The following LRRTM4 variants were observed in gnomAD, a reference collection of about 807,000 sequenced individuals.
LRRTM4 encodes the protein leucine rich repeat transmembrane neuronal 4.
In LRRTM4, 25 loss-of-function variants were observed where a neutral mutation model predicts 47.6. That is an observed-to-expected ratio of 0.53 (90% confidence interval 0.38 to 0.73). The LOEUF (loss-of-function observed/expected upper bound fraction) is 0.73, where lower values mean the gene tolerates loss of function less well. Ranked by LOEUF, LRRTM4 falls within the 30% of genes least tolerant of loss-of-function variation. The pLI is 0.00. For synonymous variants in LRRTM4, 311 were observed against 269.5 expected, an observed-to-expected ratio of 1.15 and a Z score of -1.51; for missense variants, 638 against 713.4, an observed-to-expected ratio of 0.89 and a Z score of 1.20.
chr2:77,521,685 A>G lies in LRRTM4; in HGVS notation c.-14T>C. 1 of 1,612,164 alleles carries G rather than the reference A, an allele frequency of 6.2e-7. No individual in the cohort carries two copies. Among genetic ancestry groups the G allele is most frequent in the South Asian group, 1.1e-5 (1 of 91,006 alleles). ...TCACTTACCCATCCTTTGTCATCCAAAAACGTTTCCCCCCTCTCTCAGCTT... is the reference window on the plus strand; with the variant it reads ...TCACTTACCCATCCTTTGTCATCCAGAAACGTTTCCCCCCTCTCTCAGCTT... On this transcript the variant is annotated 5_prime_UTR_variant, in exon 2 of 4. Transcript: ENST00000409884.
At chr2:76,835,312 C>T (rs1351561068) in intron 3 of LRRTM4, among the ~76,000 whole-genome samples, 2 of 151,848 alleles carry the variant, frequency 1.3e-5, no homozygotes, top group Admixed American at 1.3e-4. Flanking sequence ...GAGTGTCTGG[C>T]TCCTAACATA....
chr2:77,484,403 A>C (rs2104026400), intron 3 of LRRTM4, among the ~76,000 whole-genome samples: 1 of 152,280 alleles, frequency 6.6e-6, no homozygotes, highest in Non-Finnish European at 1.5e-5. Flanking sequence ...TTACTCACAT[A>C]TTTTTGCAAG....
intron 3 of LRRTM4, among the ~76,000 whole-genome samples, chr2:77,108,670 G>A (rs1304242192): frequency 2.7e-5 from 4 of 148,304 alleles, no homozygotes; most frequent in South Asian, 2.1e-4. Flanking sequence ...TGCAAGCTCC[G>A]CCTCCCGGGT....
intron 3 of LRRTM4, among the ~76,000 whole-genome samples, chr2:77,431,900 C>T (rs548919751): frequency 3.3e-5 from 5 of 150,980 alleles, no homozygotes; most frequent in African/African-American, 4.9e-5. Flanking sequence ...ATGGGGAAAC[C>T]CTGTCTCTAC....
At chr2:76,789,431 C>G (rs941846811) in intron 3 of LRRTM4, among the ~76,000 whole-genome samples, 2 of 152,164 alleles carry the variant, frequency 1.3e-5, no homozygotes, top group African/African-American at 4.8e-5. Flanking sequence ...CAAAGAGTAA[C>G]TCGAACACCA....
At chr2:77,008,268 T>C (rs1299403846) in intron 3 of LRRTM4, among the ~76,000 whole-genome samples, 1 of 152,168 alleles carries the variant, frequency 6.6e-6, no homozygotes, top group African/African-American at 2.4e-5. Context: ...CACATTTAGG[T>C]TTACATCTTA....
intron 3 of LRRTM4, among the ~76,000 whole-genome samples, chr2:77,079,013 T>C (rs919193457): frequency 6.6e-6 from 1 of 152,096 alleles, no homozygotes; most frequent in Non-Finnish European, 1.5e-5. Context: ...AATGCATTCA[T>C]ATAAGGACTA....
At chr2:77,149,821 C>G (rs538546240) in intron 3 of LRRTM4, among the ~76,000 whole-genome samples, 65 of 152,228 alleles carry the variant, frequency 4.3e-4, no homozygotes, top group African/African-American at 1.5e-3. Context: ...ACTCAGACTC[C>G]CAGGTGGCCA....
chr2:77,489,885 T>C (rs1212975195), intron 3 of LRRTM4, among the ~76,000 whole-genome samples: 1 of 152,168 alleles, frequency 6.6e-6, no homozygotes, highest in East Asian at 1.9e-4. Context: ...AACTTATGAG[T>C]GTGAACAGTG....
At chr2:76,964,805 T>A (rs942903791) in intron 3 of LRRTM4, among the ~76,000 whole-genome samples, 1 of 149,972 alleles carries the variant, frequency 6.7e-6, no homozygotes, top group Non-Finnish European at 1.5e-5. Flanking sequence ...AAACAATTAA[T>A]AAAGAGAGAG....
intron 3 of LRRTM4, among the ~76,000 whole-genome samples, chr2:77,079,360 C>T (rs969839971): frequency 1.3e-5 from 2 of 152,170 alleles, no homozygotes; most frequent in African/African-American, 4.8e-5. Flanking sequence ...TTTATTGAAA[C>T]ACATCTGTGC....
chr2:77,183,282 A>C (rs1451720527), intron 3 of LRRTM4, among the ~76,000 whole-genome samples: 1 of 152,204 alleles, frequency 6.6e-6, no homozygotes, highest in East Asian at 1.9e-4. Context: ...ATATGAACAG[A>C]CACTTCACAA....
intron 3 of LRRTM4, among the ~76,000 whole-genome samples, chr2:77,033,910 G>C (rs748750274): frequency 6.6e-6 from 1 of 151,880 alleles, no homozygotes; most frequent in African/African-American, 2.4e-5. Context: ...AGTTTTATAT[G>C]TTCCTTACTT....
chr2:76,753,950 C>A (rs538466724), intron 3 of LRRTM4, among the ~76,000 whole-genome samples: 3 of 152,092 alleles, frequency 2.0e-5, no homozygotes, highest in Non-Finnish European at 4.4e-5. Flanking sequence ...TTACCATGGA[C>A]TATCATTGGT....
chr2:76,925,653 T>A (rs1674566603), intron 3 of LRRTM4, among the ~76,000 whole-genome samples: 1 of 152,250 alleles, frequency 6.6e-6, no homozygotes, highest in Middle Eastern at 3.4e-3. Context: ...TCACTCTGTG[T>A]AAAAGTGTGC....
chr2:76,772,031 T>C (rs1673733885), intron 3 of LRRTM4, among the ~76,000 whole-genome samples: 1 of 152,226 alleles, frequency 6.6e-6, no homozygotes, highest in Non-Finnish European at 1.5e-5. Flanking sequence ...AATGGTGTTA[T>C]GGACCGAATG....
intron 3 of LRRTM4, among the ~76,000 whole-genome samples, chr2:76,898,280 G>A (rs1673492275): frequency 6.6e-6 from 1 of 151,942 alleles, no homozygotes; most frequent in South Asian, 2.1e-4. Flanking sequence ...ATTTTAAATG[G>A]AATTTTGCTA....
At chr2:77,201,905 G>A (rs1673987044) in intron 3 of LRRTM4, among the ~76,000 whole-genome samples, 2 of 152,072 alleles carry the variant, frequency 1.3e-5, no homozygotes, top group African/African-American at 2.4e-5. Flanking sequence ...TGTCATCGAT[G>A]CTATTTCAGA....
intron 3 of LRRTM4, among the ~76,000 whole-genome samples, chr2:77,326,207 A>G (rs567138973): frequency 6.6e-6 from 1 of 152,334 alleles, no homozygotes; most frequent in East Asian, 1.9e-4. Flanking sequence ...TAAGCATAAA[A>G]ACAAGTTTAC....
Sources: gnomAD v4.1 joint callset for allele counts (sites outside exome capture counted in the v4.1 genomes callset) on GRCh38, gnomAD v4.1.1 for gene constraint, MANE v1.5 for transcripts, NCBI Gene and HGNC (gene_info 2026-07-23, HGNC 2026-07-21) for gene names.